Variants in SENP7 observed in about 807,000 individuals in gnomAD.
SENP7 encodes the protein sentrin-specific protease 7.
Under a neutral mutation model 141.2 loss-of-function variants are expected in SENP7, and 64 were observed. The observed-to-expected ratio is 0.45, with a 90% CI of 0.37 to 0.56. The LOEUF is 0.56. SENP7 is among the 20% of genes least tolerant of loss of function. The probability of loss-of-function intolerance (pLI) is 0.00; values close to 1 mark genes in which losing one functional copy is unlikely to be tolerated. For synonymous variants in SENP7, 382 were observed against 426.4 expected, an observed-to-expected ratio of 0.90 and a Z score of 1.28; for missense variants, 1,025 against 1,212.2, an observed-to-expected ratio of 0.85 and a Z score of 2.29.
intron 3 of SENP7, 47 bp from the exon 4 acceptor site, chr3:101,459,099 C>T (rs370231601): frequency 5.3e-4 from 565 of 1,072,912 alleles, no homozygotes; most frequent in Non-Finnish European, 6.5e-4. Flanking sequence ...ATCAATATGA[C>T]AAGAGGCATT....
intron 20 of SENP7, among the ~76,000 whole-genome samples, chr3:101,329,885 G>C (rs4683841): frequency 6.7e-6 from 1 of 149,906 alleles, no homozygotes; most frequent in African/African-American, 2.5e-5. Context: ...AATCCAGGAG[G>C]GGGAGGTTGC....
chr3:101,361,736 T>G lies in SENP7; in HGVS notation c.1602A>C (p.Gly534=), dbSNP rs2059907379. The G allele has an allele frequency of 6.3e-7, 1 of 1,579,510 alleles. No individual in the cohort carries two copies. The change falls in exon 11 of 24, where the codon GGA becomes GGC. Residue 534 remains glycine (G), a synonymous_variant. Coordinates refer to ENST00000394095, the MANE Select transcript of SENP7 (RefSeq NM_020654.5). ...FTSVYIGKIK[G]ASKGCVTITK... The stretch of plus-strand genomic sequence containing the variant: ...TTACTGTAACACAACCTTTAGAAGC[T>G]CCTTTTATTTTACCAATATAAACAG...
chr3:101,355,520 T>C (rs895250045), intron 11 of SENP7, among the ~76,000 whole-genome samples: 1 of 152,176 alleles, frequency 6.6e-6, no homozygotes, highest in South Asian at 2.1e-4. Flanking sequence ...CAGATGGTCA[T>C]AGGTGTGCAG....
At chr3:101,423,497 TC>T (rs1220249731) in intron 4 of SENP7, among the ~76,000 whole-genome samples, 1 of 152,132 alleles carries the variant, frequency 6.6e-6, no homozygotes, top group Non-Finnish European at 1.5e-5. Context: ...CTTGGCAGTT[TC>T]TTACAAAGTT....
chr3:101,468,189 C>A (rs566715351), intron 3 of SENP7, among the ~76,000 whole-genome samples: 2 of 152,222 alleles, frequency 1.3e-5, no homozygotes, highest in South Asian at 4.2e-4. Flanking sequence ...ACAAAGCCTC[C>A]AAGAAATATG....
chr3:101,424,032 A>G (rs1023891450), intron 4 of SENP7, among the ~76,000 whole-genome samples: 1 of 152,128 alleles, frequency 6.6e-6, no homozygotes, highest in African/African-American at 2.4e-5. Context: ...TGCTCCCATA[A>G]GAGACTTTAG....
chr3:101,329,716 T>A (rs1576796568), intron 20 of SENP7, among the ~76,000 whole-genome samples: 1 of 142,240 alleles, frequency 7.0e-6, no homozygotes, highest in South Asian at 2.2e-4. Flanking sequence ...GGCAGGCAGA[T>A]CACCTGAGGT....
At chr3:101,467,784 C>G (rs569111039) in intron 3 of SENP7, among the ~76,000 whole-genome samples, 1 of 152,154 alleles carries the variant, frequency 6.6e-6, no homozygotes, top group Non-Finnish European at 1.5e-5. Flanking sequence ...TTCTAAAAAT[C>G]GGAGCACCTC....
chr3:101,339,552 T>C (rs2059275717), intron 16 of SENP7, among the ~76,000 whole-genome samples: 1 of 152,050 alleles, frequency 6.6e-6, no homozygotes, highest in African/African-American at 2.4e-5. Flanking sequence ...ACCCCATCTC[T>C]ACTAAAAGTA....
rs778711399 is a variant in SENP7 at position 101,351,671 on chromosome 3, G to A, written c.1624-20C>T. On this transcript the variant is annotated intron_variant, in intron 11 of 23. Transcript: ENST00000394095. The stretch of plus-strand genomic sequence containing the variant: ...TGTGATCTGAAGAAAAAATTAAAAA[G>A]CAAACAATGAGTTACCACTCAAAAT... 4.5e-6 allele frequency: 6 copies of A among 1,331,240 alleles called. No individual in the cohort carries two copies. The highest frequency in any genetic ancestry group is 2.2e-5 in the South Asian group (1 of 46,068). 82.5% of individuals were successfully genotyped at this position (1,331,240 alleles called of 1,614,324 possible). A position where few individuals can be genotyped will look rare whatever the true frequency, so the allele number is the denominator to read the frequency against.
chr3:101,440,861 G>A (rs1222705791), intron 4 of SENP7, among the ~76,000 whole-genome samples: 3 of 152,124 alleles, frequency 2.0e-5, no homozygotes, highest in Non-Finnish European at 2.9e-5. Flanking sequence ...ATATGAAAAT[G>A]AATTTATCCA....
intron 1 of SENP7, 106 bp downstream of exon 1, chr3:101,512,985 G>T: frequency 1.9e-6 from 2 of 1,080,980 alleles, no homozygotes; most frequent in Non-Finnish European, 1.4e-6. Context: ...CCCCGCCCCC[G>T]CCCTCGCCCC....
At chr3:101,357,811 C>T (rs1188372901) in intron 11 of SENP7, 2 of 593,392 alleles carry the variant, frequency 3.4e-6, no homozygotes, top group East Asian at 7.1e-5. Flanking sequence ...ACCCTTACTA[C>T]ACATAAGAAA....
intron 4 of SENP7, among the ~76,000 whole-genome samples, chr3:101,420,106 G>T (rs911198780): frequency 6.6e-6 from 1 of 152,210 alleles, no homozygotes; most frequent in Non-Finnish European, 1.5e-5. Flanking sequence ...TGTGGCTCAC[G>T]CCTGTAATCC....
chr3:101,372,081 C>A lies in SENP7; in HGVS notation c.723G>T (p.Gln241His), dbSNP rs115061809. The A allele has an allele frequency of 1.8e-3, 2,851 of 1,569,726 alleles. 47 individuals are homozygous for A. In the African/African-American group the frequency reaches 0.035, roughly 19 times the overall value. Residue 241 changes from glutamine (Q) to histidine (H), a missense_variant, in exon 7 of 24, where the codon CAG becomes CAT. By Grantham distance (24) the Gln-to-His change is conservative. Transcript: ENST00000394095. ...TTCGTTTTTCTTTATTGTGCGCAGT[C>A]TGCTTTGCAGAATTGTCATCTACTG... The part of the protein sequence containing the change: ...SKTVDDNSAK[Q>H]TAHNKEKRRK...
At chr3:101,361,016 G>A (rs1346293576) in intron 11 of SENP7, among the ~76,000 whole-genome samples, 2 of 151,982 alleles carry the variant, frequency 1.3e-5, no homozygotes, top group African/African-American at 2.4e-5. Flanking sequence ...CCGGCTTGGC[G>A]AACATGGTGA....
At chr3:101,372,228 C>G (rs1198169566) in intron 6 of SENP7, 102 bp from the exon 7 acceptor site, 2 of 505,236 alleles carry the variant, frequency 4.0e-6, no homozygotes, top group Admixed American at 6.2e-5. Context: ...CAAACACAGT[C>G]CCACATGGCA....
intron 5 of SENP7, among the ~76,000 whole-genome samples, 177 bp downstream of exon 5, chr3:101,417,416 A>G (rs1296075754): frequency 6.6e-6 from 1 of 152,204 alleles, no homozygotes; most frequent in East Asian, 1.9e-4. Context: ...GAAGTACAGA[A>G]ACATCAGCTA....
chr3:101,443,948 A>G (rs2062784283), intron 4 of SENP7, among the ~76,000 whole-genome samples: 1 of 151,038 alleles, frequency 6.6e-6, no homozygotes. Context: ...ATCAGAGTGA[A>G]CAGGCAACCT....
Sources: allele counts gnomAD v4.1 joint callset (sites outside exome capture counted in the v4.1 genomes callset), GRCh38; gene constraint gnomAD v4.1.1; transcripts MANE v1.5; gene names NCBI Gene and HGNC (gene_info 2026-07-23, HGNC 2026-07-21).